The following HCN1 variants were observed in gnomAD, a reference collection of about 807,000 sequenced individuals.
The protein encoded by HCN1 is hyperpolarization activated cyclic nucleotide gated potassium channel 1.
Under a neutral mutation model 78.9 loss-of-function variants are expected in HCN1, and 13 were observed. That is an observed-to-expected ratio of 0.16 (90% confidence interval 0.11 to 0.26). The LOEUF (loss-of-function observed/expected upper bound fraction) is 0.26. Among genes scored for constraint, HCN1 ranks in the 10% least tolerant of loss-of-function variants. The probability of loss-of-function intolerance (pLI) is 1.00; values close to 1 mark genes in which losing one functional copy is unlikely to be tolerated. For missense variants in HCN1, 810 were observed against 1,154.3 expected, an observed-to-expected ratio of 0.70 and a Z score of 4.32; for synonymous variants, 552 against 455.5, an observed-to-expected ratio of 1.21 and a Z score of -2.70.
Position 45,261,832 on chromosome 5 carries a change from G to A in HCN1, c.*89C>T, listed in dbSNP as rs1242266026. ...AAATATCTCTTCATAGTAGGCTAGA[G>A]GGATCTATCAGGAGATAGAATAAAA... On this transcript the variant is annotated 3_prime_UTR_variant, in exon 8 of 8. Transcript: ENST00000303230. 2.7e-6 allele frequency: 4 copies of A among 1,469,696 alleles called. No individual in the cohort carries two copies. Among genetic ancestry groups the A allele is most frequent in the South Asian group, 1.1e-5 (1 of 87,536 alleles). The allele number at this position is 1,469,696 out of a possible 1,614,324, so 91.0% of individuals were successfully genotyped here.
In HCN1 at chr5:45,681,307, T is replaced by TTTTG. The variant is rs757294979; in HGVS notation, c.425+14358_425+14361dup. ...TTTTCCTGTAAAGTTGCCCATGATT[T>TTTTG]TTTGTTTGTTTGTTTGTTTGGATTT... On this transcript the variant is annotated intron_variant, in intron 1 of 7. Coordinates refer to ENST00000303230, the MANE Select transcript of HCN1 (RefSeq NM_021072.4). Among the ~76,000 whole-genome samples, 10 of 152,114 alleles carry TTTTG rather than the reference T, an allele frequency of 6.6e-5. No individual in the cohort carries two copies. The South Asian group carries it at 1.4e-3, about 22-fold the overall frequency.
chr5:45,308,537 C>T (rs868005906), intron 5 of HCN1, among the ~76,000 whole-genome samples: 2 of 151,974 alleles, frequency 1.3e-5, no homozygotes, highest in Admixed American at 6.6e-5. Context: ...ATAGTACAGT[C>T]TGGGGTTAAG....
intron 6 of HCN1, among the ~76,000 whole-genome samples, chr5:45,283,630 G>C (rs529866774): frequency 6.6e-6 from 1 of 152,136 alleles, no homozygotes; most frequent in African/African-American, 2.4e-5. Context: ...CCATTAAAAA[G>C]TAAAAAAATA....
intron 1 of HCN1, among the ~76,000 whole-genome samples, chr5:45,669,338 T>C (rs575162642): frequency 2.6e-5 from 4 of 151,952 alleles, no homozygotes; most frequent in Admixed American, 6.6e-5. Flanking sequence ...TCAGGTCTTA[T>C]GCCAGAGAAG....
chr5:45,281,375 C>A (rs980772946), intron 6 of HCN1, among the ~76,000 whole-genome samples: 1 of 151,966 alleles, frequency 6.6e-6, no homozygotes, highest in East Asian at 1.9e-4. Flanking sequence ...TCACCTTTCA[C>A]TATGTTGTAA....
At chr5:45,402,918 C>T (rs1739852126) in intron 3 of HCN1, among the ~76,000 whole-genome samples, 1 of 137,060 alleles carries the variant, frequency 7.3e-6, no homozygotes, top group Non-Finnish European at 1.6e-5. Flanking sequence ...TTTTGTCTCA[C>T]TCTTTTATGC....
intron 2 of HCN1, among the ~76,000 whole-genome samples, chr5:45,498,538 C>T (rs190202233): frequency 2.1e-4 from 32 of 152,272 alleles, no homozygotes; most frequent in African/African-American, 7.0e-4. Flanking sequence ...GAATCTCCTC[C>T]CATTGCTCGG....
intron 2 of HCN1, chr5:45,575,158 C>T (rs1386755636): frequency 6.6e-6 from 1 of 152,066 alleles, no homozygotes; most frequent in East Asian, 1.9e-4. Flanking sequence ...AGGAAAATGC[C>T]ATCTAGGAAT....
At chr5:45,586,842 G>A (rs1012188624) in intron 2 of HCN1, among the ~76,000 whole-genome samples, 1 of 152,120 alleles carries the variant, frequency 6.6e-6, no homozygotes, top group African/African-American at 2.4e-5. Flanking sequence ...ATGTGGTTTT[G>A]CTGTATGTAA....
intron 2 of HCN1, among the ~76,000 whole-genome samples, chr5:45,467,330 C>T (rs1030862792): frequency 2.0e-5 from 3 of 152,020 alleles, no homozygotes; most frequent in East Asian, 1.9e-4. Context: ...CAACGTCACA[C>T]GTTATTTGTC....
chr5:45,573,328 C>G (rs1743870653), intron 2 of HCN1, among the ~76,000 whole-genome samples: 1 of 151,880 alleles, frequency 6.6e-6, no homozygotes, highest in Non-Finnish European at 1.5e-5. Flanking sequence ...AATTCAATAC[C>G]CAGGCTGACT....
intron 2 of HCN1, among the ~76,000 whole-genome samples, chr5:45,476,954 A>T (rs1741530402): frequency 1.3e-5 from 2 of 152,184 alleles, no homozygotes; most frequent in South Asian, 2.1e-4. Flanking sequence ...TAATTTAAAT[A>T]AATCTGCAAT....
chr5:45,427,971 T>C (rs538846370), intron 3 of HCN1, among the ~76,000 whole-genome samples: 1 of 152,114 alleles, frequency 6.6e-6, no homozygotes, highest in East Asian at 1.9e-4. Flanking sequence ...GTGAAATCTG[T>C]AGTATGGTGG....
chr5:45,333,441 T>C (rs1301109822), intron 5 of HCN1, among the ~76,000 whole-genome samples: 1 of 151,794 alleles, frequency 6.6e-6, no homozygotes, highest in Non-Finnish European at 1.5e-5. Flanking sequence ...CTGTGGATTG[T>C]CTTTTTACTT....
At chr5:45,670,645 T>C (rs1051630328) in intron 1 of HCN1, among the ~76,000 whole-genome samples, 2 of 151,778 alleles carry the variant, frequency 1.3e-5, no homozygotes, top group East Asian at 1.9e-4. Context: ...CATGCAAACA[T>C]ACATTTCTCT....
intron 4 of HCN1, among the ~76,000 whole-genome samples, chr5:45,376,936 T>C (rs1579855379): frequency 6.6e-6 from 1 of 151,976 alleles, no homozygotes; most frequent in South Asian, 2.1e-4. Flanking sequence ...TGGTCTAGAA[T>C]AAGAAGAGTG....
chr5:45,267,362 A>C, intron 6 of HCN1, 109 bp from the exon 7 acceptor site: 1 of 903,352 alleles, frequency 1.1e-6, no homozygotes, highest in Non-Finnish European at 1.7e-6. Flanking sequence ...AAAAACAATT[A>C]TTAGCAGCAT....
intron 2 of HCN1, among the ~76,000 whole-genome samples, chr5:45,464,580 G>T (rs1450148804): frequency 1.3e-5 from 2 of 152,104 alleles, no homozygotes; most frequent in East Asian, 3.9e-4. Flanking sequence ...TTTTACACTG[G>T]TTAATAGCAG....
At chr5:45,319,721 CA>C (rs1168671760) in intron 5 of HCN1, among the ~76,000 whole-genome samples, 1 of 150,416 alleles carries the variant, frequency 6.6e-6, no homozygotes, top group Non-Finnish European at 1.5e-5. Context: ...TTAGAACTTC[CA>C]GAAAAAAAAT....
Sources: gnomAD v4.1 joint callset for allele counts (sites outside exome capture counted in the v4.1 genomes callset) on GRCh38, gnomAD v4.1.1 for gene constraint, MANE v1.5 for transcripts, NCBI Gene and HGNC (gene_info 2026-07-23, HGNC 2026-07-21) for gene names.